ABCC8: variants seen among roughly 807,000 people sequenced by gnomAD.
ABCC8 encodes the protein ATP binding cassette subfamily C member 8.
Under a neutral mutation model 188.0 loss-of-function variants are expected in ABCC8, and 137 were observed. That is an observed-to-expected ratio of 0.73 (90% CI 0.63 to 0.84). The LOEUF is 0.84. Among genes scored for constraint, ABCC8 ranks in the 40% least tolerant of loss-of-function variants. The pLI, the probability that ABCC8 is intolerant of heterozygous loss-of-function variation, is 0.00. For synonymous variants in ABCC8, 797 were observed against 846.5 expected, an observed-to-expected ratio of 0.94 and a Z score of 1.01; for missense variants, 1,750 against 2,072.7, an observed-to-expected ratio of 0.84 and a Z score of 3.02.
chr11:17,443,134 A>G, intron 9 of ABCC8, 44 bp downstream of exon 9: 1 of 1,603,582 alleles, frequency 6.2e-7, no homozygotes, highest in African/African-American at 1.3e-5. Flanking sequence ...TGTCGAGGGA[A>G]GGAGGGGAAG....
chr11:17,413,186 G>C (rs1283691913), intron 20 of ABCC8, among the ~76,000 whole-genome samples: 3 of 152,190 alleles, frequency 2.0e-5, no homozygotes, highest in African/African-American at 7.2e-5. Context: ...CAGCCTGGGA[G>C]GGCACTAAGC....
intron 8 of ABCC8, among the ~76,000 whole-genome samples, chr11:17,445,049 G>A (rs1956470306): frequency 6.6e-6 from 1 of 152,208 alleles, no homozygotes; most frequent in Non-Finnish European, 1.5e-5. Flanking sequence ...CCGCAGAAAG[G>A]AGATGTGTGA....
chr11:17,465,357 T>G lies in ABCC8; in HGVS notation c.413-1753A>C, dbSNP rs191855844. ...TAACACTTAACAGATATGGTCTGCT[T>G]TGCTCTTCATTACAACCCTATGACT... is the stretch of plus-strand genomic sequence containing the variant. On this transcript the variant is annotated intron_variant, in intron 3 of 38. Coordinates refer to ENST00000389817, the MANE Select transcript of ABCC8 (RefSeq NM_000352.6). 3.9e-5 allele frequency: 6 copies of G among 152,348 alleles called. No homozygotes were observed. The East Asian group carries it at 1.2e-3, about 29-fold the overall frequency. 9.4% of individuals were successfully genotyped at this position (152,348 alleles called of 1,614,324 possible).
chr11:17,476,731 G>T lies in ABCC8; in HGVS notation c.46C>A (p.Arg16=). 6.2e-7 allele frequency: 1 copy of T among 1,605,146 alleles called. No individual in the cohort carries two copies. The highest frequency in any genetic ancestry group is 1.1e-5 in the South Asian group (1 of 89,650). ...TTGTTGAGGACCCCCTGGTCCACCC[G>T]GTAGGCGGCCGAGTGGTTCTCGCTG... is the stretch of plus-strand genomic sequence containing the variant. ...CGSENHSAAY[R]VDQGVLNNGC... Residue 16 remains arginine, a synonymous_variant, in exon 1 of 39, where the codon CGG becomes AGG. Transcript: ENST00000389817.
chr11:17,416,610 T>C (rs558405010), intron 17 of ABCC8, among the ~76,000 whole-genome samples: 1 of 152,112 alleles, frequency 6.6e-6, no homozygotes, highest in Non-Finnish European at 1.5e-5. Context: ...GTCCCTTCCC[T>C]CTCTCTCCCA....
rs1023939014 is a variant in ABCC8, at chr11:17,410,531, C to T, written c.2679G>A (p.Leu893=). Residue 893 remains leucine, a synonymous_variant, in exon 22 of 39, where the codon CTG becomes CTA. Transcript: ENST00000389817. ...TCCCCCTCACCCAGTCTGCATGGGG[C>T]AGGTACTGTAGCTTGTGGGTCACTA... ...VVLVTHKLQY[L]PHADWIIAMK... 2.5e-6 allele frequency: 4 copies of T among 1,614,058 alleles called. No individual in the cohort carries two copies. In the African/African-American group the frequency reaches 4.0e-5, roughly 16 times the overall value.
intron 2 of ABCC8, among the ~76,000 whole-genome samples, chr11:17,470,502 A>G (rs933530515): frequency 6.6e-6 from 1 of 152,168 alleles, no homozygotes; most frequent in Non-Finnish European, 1.5e-5. Flanking sequence ...CCTGTATGCC[A>G]CAACTCACCC....
intron 2 of ABCC8, among the ~76,000 whole-genome samples, chr11:17,472,955 C>A (rs1412104530): frequency 6.6e-6 from 1 of 152,190 alleles, no homozygotes; most frequent in East Asian, 1.9e-4. Context: ...TGGGAACAGC[C>A]AACACCCTGC....
rs369049969 is a variant in ABCC8, at chr11:17,428,569, G to A, written c.1919C>T (p.Ala640Val). ...AAGGGGAGGCCGGGCACTCACCACC[G>A]CCTGGTACTTGCTGGCTGGGCCCTG... ...TPQGPASKYQ[A>V]VPLRVVNRKR... Residue 640 changes from alanine (A) to valine (V), a missense_variant, in exon 13 of 39, where the codon GCG becomes GTG. Coordinates refer to ENST00000389817, the MANE Select transcript of ABCC8 (RefSeq NM_000352.6). 1.3e-4 allele frequency: 216 copies of A among 1,614,050 alleles called. No individual in the cohort carries two copies. Among genetic ancestry groups the A allele is most frequent in the Middle Eastern group, 3.3e-4 (2 of 6,060 alleles).
Position 17,410,593 on chromosome 11 carries a change from G to C in ABCC8, c.2617C>G (p.Leu873Val). The change falls in exon 22 of 39, where the codon CTT becomes GTT. Residue 873 changes from leucine (L) to valine (V), a missense_variant. Physicochemically the swap from Leu to Val is conservative, Grantham distance 32. Transcript: ENST00000389817. Reference protein sequence around the residue: ...LSDHLMQAGILELLRDDKRTV... With the variant: ...LSDHLMQAGIVELLRDDKRTV... Reference sequence around the variant, plus strand: ...CTCTTGTCGTCCCGGAGCAGCTCAAGGATGCCGGCCTGCATTAAGTGGTCA... The same window carrying C: ...CTCTTGTCGTCCCGGAGCAGCTCAACGATGCCGGCCTGCATTAAGTGGTCA... 1 of 1,614,194 alleles carries C rather than the reference G, an allele frequency of 6.2e-7. No homozygotes were observed. The highest frequency in any genetic ancestry group is 1.1e-5 in the South Asian group (1 of 91,086).
rs759223826 is a variant in ABCC8 at position 17,427,050 on chromosome 11, T to G, written c.2221A>C (p.Ser741Arg). ...GGGCCCTGAGGATACATGTATTACC[T>G]GCTCCAGAAGACAGCCCCTGAGACC... is the stretch of plus-strand genomic sequence containing the variant. The part of the protein sequence containing the change: ...QKVSGAVFWS[S>R]LPDSEIGEDP... Residue 741 changes from serine to arginine, a missense_variant and splice_region_variant, in exon 16 of 39, where the codon AGC becomes CGC. Transcript: ENST00000389817. The surrounding 1 kb of genome is among the most constrained non-coding windows in gnomAD (Gnocchi z 5.0). 1.2e-6 allele frequency: 2 copies of G among 1,613,956 alleles called. No homozygotes were observed. Among genetic ancestry groups the G allele is most frequent in the Non-Finnish European group, 1.7e-6 (2 of 1,179,918 alleles).
At chr11:17,407,875 T>G (rs1398555275) in intron 23 of ABCC8, among the ~76,000 whole-genome samples, 1 of 151,890 alleles carries the variant, frequency 6.6e-6, no homozygotes, top group Non-Finnish European at 1.5e-5. Flanking sequence ...TCTGGCAGAG[T>G]TGTTGAGCTG....
intron 31 of ABCC8, 132 bp downstream of exon 31, chr11:17,397,552 C>G: frequency 7.0e-7 from 1 of 1,436,994 alleles, no homozygotes; most frequent in East Asian, 2.5e-5. Flanking sequence ...TTCCTGCCCG[C>G]ACTGTCCCTC....
intron 6 of ABCC8, 64 bp from the exon 7 acceptor site, chr11:17,453,347 T>C (rs763775349): frequency 2.2e-5 from 36 of 1,600,850 alleles, no homozygotes; most frequent in Non-Finnish European, 3.0e-5. Flanking sequence ...GTAGAACACA[T>C]CACTGTGCCA....
chr11:17,420,708 C>T (rs1360268051), intron 16 of ABCC8, among the ~76,000 whole-genome samples: 1 of 152,216 alleles, frequency 6.6e-6, no homozygotes, highest in Admixed American at 6.5e-5. Flanking sequence ...GTGGGAGCCT[C>T]TTCCCCACGC....
At chr11:17,395,512 G>A (rs1487464989) in intron 35 of ABCC8, 98 bp downstream of exon 35, 2 of 1,499,294 alleles carry the variant, frequency 1.3e-6, no homozygotes, top group East Asian at 2.5e-5. Context: ...ACACCTCTGG[G>A]ATCCTGGTCT....
chr11:17,394,802 C>T (rs1010530521), intron 36 of ABCC8, among the ~76,000 whole-genome samples: 3 of 152,072 alleles, frequency 2.0e-5, no homozygotes, highest in Non-Finnish European at 4.4e-5. Flanking sequence ...ATGAGTGACC[C>T]GTGTCTATGA....
rs576983168 is a variant in ABCC8 at position 17,449,650 on chromosome 11, C to T, written c.1177-979G>A. 8.5e-5 allele frequency among the ~76,000 whole-genome samples: 13 copies of T among 152,340 alleles called. No individual in the cohort carries two copies. In the South Asian group the frequency reaches 2.7e-3, roughly 32 times the overall value. ...GTGTGCTCTTGAACAAGGAAAAATGCATCCGGGTCTTAAATGTCCTCAGGA... is the reference window on the plus strand; with the variant it reads ...GTGTGCTCTTGAACAAGGAAAAATGTATCCGGGTCTTAAATGTCCTCAGGA... On this transcript the variant is annotated intron_variant, in intron 7 of 38. Transcript: ENST00000389817.
At chr11:17,432,113 T>C (rs912312534) in intron 11 of ABCC8, 91 bp downstream of exon 11, 5 of 1,493,742 alleles carry the variant, frequency 3.3e-6, no homozygotes, top group Non-Finnish European at 4.6e-6. Context: ...CTGAGGCCCC[T>C]GTGCAGAAAG....
Sources: gnomAD v4.1 joint callset for allele counts (sites outside exome capture counted in the v4.1 genomes callset) on GRCh38, gnomAD v4.1.1 for gene constraint, Gnocchi (gnomAD v3.1) non-coding constraint, MANE v1.5 for transcripts, NCBI Gene and HGNC (gene_info 2026-07-23, HGNC 2026-07-21) for gene names.